The following YBX3 variants were observed in gnomAD, a reference collection of about 807,000 sequenced individuals.
The protein encoded by YBX3 is Y-box binding protein 3, also known as Y-box-binding protein 3.
Under a neutral mutation model 42.4 loss-of-function variants are expected in YBX3, and 29 were observed. The observed-to-expected ratio is 0.68, with a 90% CI of 0.51 to 0.93. YBX3 has a LOEUF of 0.93. Ranked by LOEUF, YBX3 falls within the 40% of genes least tolerant of loss-of-function variation. The pLI is 0.00. For synonymous variants in YBX3, 195 were observed against 189.8 expected (o/e 1.03, Z -0.22); for missense variants, 517 against 527.5 (o/e 0.98, Z 0.19).
At chr12:10,699,833 CT>C (rs1948059735) in intron 9 of YBX3, among the ~76,000 whole-genome samples, 179 bp from the exon 10 acceptor site, 1 of 152,112 alleles carries the variant, frequency 6.6e-6, no homozygotes, top group African/African-American at 2.4e-5. Context: ...GAAACTCTCA[CT>C]TTTTAATAAA....
chr12:10,723,238 G>A lies in YBX3; in HGVS notation c.-127C>T. On this transcript the variant is annotated 5_prime_UTR_variant, in exon 1 of 10. Coordinates refer to ENST00000228251, the MANE Select transcript of YBX3 (RefSeq NM_003651.5). ...CGGGGCGGATCTCGCGGCGCAGGCG[G>A]CGGCGGCCGAGGTGGGGTCGCGCGG... 1.7e-6 allele frequency: 2 copies of A among 1,169,592 alleles called. No individual in the cohort carries two copies. Among genetic ancestry groups the A allele is most frequent in the Non-Finnish European group, 2.1e-6 (2 of 947,674 alleles). The allele number at this position is 1,169,592 out of a possible 1,614,324, so 72.5% of individuals were successfully genotyped here.
chr12:10,715,642 G>A, intron 4 of YBX3, 52 bp downstream of exon 4: 1 of 1,451,370 alleles, frequency 6.9e-7, no homozygotes, highest in Non-Finnish European at 9.7e-7. Context: ...AATTTATTGT[G>A]CAACAGTACT....
intron 7 of YBX3, chr12:10,702,587 A>T (rs1426115766): frequency 6.6e-6 from 1 of 152,534 alleles, no homozygotes; most frequent in Admixed American, 6.5e-5. Context: ...AATGCAACAA[A>T]TGGAATAGAG....
intron 3 of YBX3, 175 bp downstream of exon 3, chr12:10,717,913 G>T: frequency 2.1e-6 from 1 of 477,040 alleles, no homozygotes; most frequent in Non-Finnish European, 3.7e-6. Context: ...TGATGGGGTA[G>T]AAGAACTTAT....
intron 8 of YBX3, 134 bp downstream of exon 8, chr12:10,701,826 A>G (rs991405570): frequency 9.9e-7 from 1 of 1,012,030 alleles, no homozygotes. Context: ...TACCCTATAT[A>G]TATGGATCTT....
At chr12:10,703,715 T>C (rs1034854214) in intron 7 of YBX3, 1 of 317,646 alleles carries the variant, frequency 3.1e-6, no homozygotes, top group South Asian at 2.9e-5. Flanking sequence ...CTATCCCAAA[T>C]ATCCTCTGAC....
chr12:10,703,852 T>C (rs1948107852), intron 7 of YBX3, 199 bp downstream of exon 7: 1 of 523,806 alleles, frequency 1.9e-6, no homozygotes. Context: ...AAATGACGCT[T>C]TGGCGCAGAG....
At chr12:10,719,021 C>T in intron 2 of YBX3, 59 bp downstream of exon 2, 1 of 1,523,794 alleles carries the variant, frequency 6.6e-7, no homozygotes, top group Non-Finnish European at 9.1e-7. Flanking sequence ...GGATTTATAA[C>T]TCCTGGTGCC....
chr12:10,720,745 T>C (rs1211033012), intron 1 of YBX3: 1 of 152,164 alleles, frequency 6.6e-6, no homozygotes, highest in East Asian at 1.9e-4. Flanking sequence ...AAAATGACAA[T>C]ACTAATAATA....
intron 3 of YBX3, 35 bp from the exon 4 acceptor site, chr12:10,715,818 A>C (rs748423769): frequency 6.4e-7 from 1 of 1,558,160 alleles, no homozygotes; most frequent in Admixed American, 1.7e-5. Flanking sequence ...TTCGATGTAT[A>C]TTTCAATATT....
In YBX3 at chr12:10,701,377, A is replaced by C. The variant is rs746090757; in HGVS notation, c.1054-24T>G. On this transcript the variant is annotated intron_variant, in intron 8 of 9. Transcript: ENST00000228251. Reference sequence around the variant, plus strand: ...GCCTAAAATGCAAAACAAAGCCATAAATCAGATAAAGTCAGATGACAGTGG... The same window carrying C: ...GCCTAAAATGCAAAACAAAGCCATACATCAGATAAAGTCAGATGACAGTGG... The C allele has an allele frequency of 6.4e-6, 5 of 780,938 alleles. No individual in the cohort carries two copies. The South Asian group carries it at 6.7e-5, about 10-fold the overall frequency. The allele number at this position is 780,938 out of a possible 1,614,324, so 48.4% of individuals were successfully genotyped here. A position where few individuals can be genotyped will look rare whatever the true frequency, so the allele number is the denominator to read the frequency against.
In YBX3 at chr12:10,705,091, G is replaced by C. The variant is rs950407013; in HGVS notation, c.781-943C>G. On this transcript the variant is annotated intron_variant, in intron 6 of 9. Coordinates refer to ENST00000228251, the MANE Select transcript of YBX3 (RefSeq NM_003651.5). ...AAGTTATATCTTTTTGTTTGGAGCA[G>C]TTTTTTTTAATTTATTTATTTGAGA... Among the ~76,000 whole-genome samples the C allele has an allele frequency of 2.0e-5, 3 of 151,834 alleles. No homozygotes were observed. The East Asian group carries it at 5.8e-4, about 29-fold the overall frequency.
intron 9 of YBX3, among the ~76,000 whole-genome samples, chr12:10,700,457 T>C (rs1444707643): frequency 3.3e-5 from 5 of 152,130 alleles, no homozygotes; most frequent in African/African-American, 1.2e-4. Flanking sequence ...AAAAGGGTTA[T>C]AGGTTAAAAA....
chr12:10,701,183 T>C (rs1948073946), intron 9 of YBX3, 71 bp downstream of exon 9: 1 of 735,622 alleles, frequency 1.4e-6, no homozygotes, highest in Non-Finnish European at 2.5e-6. Flanking sequence ...GACTAATTTG[T>C]ACTCTTGTTG....
chr12:10,720,520 A>C (rs1442018837), intron 1 of YBX3, among the ~76,000 whole-genome samples: 1 of 152,206 alleles, frequency 6.6e-6, no homozygotes, highest in Non-Finnish European at 1.5e-5. Context: ...TTGGAGCAGC[A>C]AGGCAAAGGA....
chr12:10,720,522 G>A (rs1276458235), intron 1 of YBX3, among the ~76,000 whole-genome samples: 3 of 152,104 alleles, frequency 2.0e-5, no homozygotes, highest in South Asian at 2.1e-4. Flanking sequence ...GGAGCAGCAA[G>A]GCAAAGGAGA....
chr12:10,704,685 A>G (rs1213047859), intron 6 of YBX3, among the ~76,000 whole-genome samples: 1 of 152,190 alleles, frequency 6.6e-6, no homozygotes, highest in African/African-American at 2.4e-5. Flanking sequence ...AAGAAAGAGA[A>G]ACAGTCAGAA....
chr12:10,722,893 TA>T lies in YBX3; in HGVS notation c.218del (p.Leu73Ter). On this transcript the variant is annotated frameshift_variant, in exon 1 of 10. Coordinates refer to ENST00000228251, the MANE Select transcript of YBX3 (RefSeq NM_003651.5). LOFTEE classifies it high-confidence loss of function. ...CGTCTTCGCTGCCGGCGGCGGTGGCTAAAGAGGCGGCGGCCGCGGTGCCCGT... is the reference window on the plus strand; with the variant it reads ...CGTCTTCGCTGCCGGCGGCGGTGGCTAAGAGGCGGCGGCCGCGGTGCCCGT... Reference protein sequence around the residue: ...AATGTAAAASLATAAGSEDAE... With the variant: ...AATGTAAAASXATAAGSEDAE... The T allele has an allele frequency of 6.8e-7, 1 of 1,467,432 alleles. No individual in the cohort carries two copies. The highest frequency in any genetic ancestry group is 2.3e-5 in the Admixed American group (1 of 43,200). 90.9% of individuals were successfully genotyped at this position (1,467,432 alleles called of 1,614,324 possible). A position where few individuals can be genotyped will look rare whatever the true frequency, so the allele number is the denominator to read the frequency against.
chr12:10,708,798 A>C lies in YBX3; in HGVS notation c.780+1110T>G, dbSNP rs539354861. Among the ~76,000 whole-genome samples, 12 of 152,368 alleles carry C rather than the reference A, an allele frequency of 7.9e-5. No homozygotes were observed. In the East Asian group the frequency reaches 2.3e-3, roughly 29 times the overall value. ...TAAGGTGAAATACATTTTATTTCAA[A>C]AGATATGAAAAAGAATCATCATGCT... On this transcript the variant is annotated intron_variant, in intron 6 of 9. Transcript: ENST00000228251.
Sources: allele counts gnomAD v4.1 joint callset (sites outside exome capture counted in the v4.1 genomes callset), GRCh38; gene constraint gnomAD v4.1.1; transcripts MANE v1.5; gene names NCBI Gene and HGNC (gene_info 2026-07-23, HGNC 2026-07-21).